Variants in SLX9 observed in about 807,000 individuals in gnomAD.
SLX9 encodes the protein SLX9 ribosome biogenesis factor.
Under a neutral mutation model 20.8 loss-of-function variants are expected in SLX9, and 19 were observed. That is an observed-to-expected ratio of 0.91 (90% confidence interval 0.64 to 1.34). The LOEUF (loss-of-function observed/expected upper bound fraction) is 1.34, where lower values mean the gene tolerates loss of function less well. SLX9 is among the 40% of genes most tolerant of loss of function. The pLI, the probability that SLX9 is intolerant of heterozygous loss-of-function variation, is 0.00. For synonymous variants in SLX9, 113 were observed against 137.1 expected (o/e 0.82, Z 1.23); for missense variants, 299 against 322.2 (o/e 0.93, Z 0.55).
At chr21:44,975,537 T>A (rs1361041673) in intron 5 of SLX9, among the ~76,000 whole-genome samples, 2 of 152,258 alleles carry the variant, frequency 1.3e-5, no homozygotes, top group African/African-American at 4.8e-5. Context: ...TCACGGCTCC[T>A]TTCCTTCCCC....
chr21:44,967,242 G>T (rs544087394), intron 4 of SLX9, 61 bp downstream of exon 4: 1 of 1,516,620 alleles, frequency 6.6e-7, no homozygotes, highest in African/African-American at 1.4e-5. Context: ...TCCAGAGGTG[G>T]AGGGATATGA....
chr21:44,967,694 G>C (rs1428576943), intron 4 of SLX9, among the ~76,000 whole-genome samples: 1 of 152,240 alleles, frequency 6.6e-6, no homozygotes, highest in East Asian at 1.9e-4. Context: ...GTCGCACAGA[G>C]GGTGGCCCGT....
At chr21:44,948,077 G>A (rs913535863) in intron 2 of SLX9, among the ~76,000 whole-genome samples, 1 of 152,262 alleles carries the variant, frequency 6.6e-6, no homozygotes, top group Non-Finnish European at 1.5e-5. Flanking sequence ...CCTGGCAGCC[G>A]GCCGGGTGTC....
chr21:44,939,799 C>A, upstream of SLX9: 1 of 563,064 alleles, frequency 1.8e-6, no homozygotes, highest in Admixed American at 2.6e-5. Context: ...TTGGGTCCCC[C>A]ACGATCTAGA....
chr21:44,943,381 T>G (rs1373602516), intron 1 of SLX9, among the ~76,000 whole-genome samples: 1 of 152,098 alleles, frequency 6.6e-6, no homozygotes, highest in Non-Finnish European at 1.5e-5. Flanking sequence ...ACGAAATGGT[T>G]GGGAAGGAAA....
rs372501584 is a variant in SLX9, at chr21:44,973,259, A to T, written c.563A>T (p.Gln188Leu). 2.4e-5 allele frequency: 38 copies of T among 1,612,074 alleles called. No homozygotes were observed. Among genetic ancestry groups the T allele is most frequent in the Non-Finnish European group, 3.1e-5 (36 of 1,179,714 alleles). Residue 188 changes from glutamine (Q) to leucine (L), a missense_variant, in exon 5 of 6, where the codon CAG (glutamine) becomes CTG (leucine). Physicochemically the swap from Gln to Leu is moderately radical, Grantham distance 113. Coordinates refer to ENST00000291634, the MANE Select transcript of SLX9 (RefSeq NM_058190.4). ...LSRMSAAQRQ[Q>L]LLEEERTRFQ... The stretch of plus-strand genomic sequence containing the variant: ...CGGATGAGCGCAGCCCAGAGACAGC[A>T]GCTTCTGTGAGTGCACCTGCCCACC...
At chr21:44,961,197 C>A (rs959943013) in intron 3 of SLX9, among the ~76,000 whole-genome samples, 2 of 152,016 alleles carry the variant, frequency 1.3e-5, no homozygotes, top group Non-Finnish European at 2.9e-5. Flanking sequence ...GGCTGTAATT[C>A]TTTGATGATG....
At chr21:44,945,304 C>T (rs1056243388) in intron 2 of SLX9, among the ~76,000 whole-genome samples, 2 of 152,238 alleles carry the variant, frequency 1.3e-5, no homozygotes, top group Admixed American at 6.5e-5. Flanking sequence ...CAGCCAGGAA[C>T]GCTTGATGTG....
intron 5 of SLX9, among the ~76,000 whole-genome samples, chr21:44,974,271 T>C (rs1003907982): frequency 1.3e-5 from 2 of 152,234 alleles, no homozygotes; most frequent in African/African-American, 4.8e-5. Context: ...AGGCCCATTG[T>C]GCCTTTCCAG....
intron 2 of SLX9, among the ~76,000 whole-genome samples, chr21:44,957,666 GA>G (rs1462957101): frequency 3.3e-5 from 5 of 152,256 alleles, no homozygotes; most frequent in Admixed American, 6.5e-5. Flanking sequence ...CACCGAGTGT[GA>G]GGGGGAGTGG....
At chr21:44,967,825 C>A (rs1174916677) in intron 4 of SLX9, among the ~76,000 whole-genome samples, 1 of 152,186 alleles carries the variant, frequency 6.6e-6, no homozygotes, top group Non-Finnish European at 1.5e-5. Context: ...TGCGTCCTCC[C>A]CAGGAGGGAC....
chr21:44,947,608 C>T (rs753931016), intron 2 of SLX9, among the ~76,000 whole-genome samples: 1 of 152,016 alleles, frequency 6.6e-6, no homozygotes, highest in Non-Finnish European at 1.5e-5. Flanking sequence ...TTCATGGCAT[C>T]GTTCCTATGT....
Position 44,943,760 on chromosome 21 carries a change from T to C in SLX9, c.206T>C (p.Leu69Pro). 1 of 1,614,236 alleles carries C rather than the reference T, an allele frequency of 6.2e-7. No homozygotes were observed. The highest frequency in any genetic ancestry group is 8.5e-7 in the Non-Finnish European group (1 of 1,180,040). Residue 69 changes from leucine to proline, a missense_variant, in exon 2 of 6, where the codon CTG becomes CCG. Physicochemically the swap from Leu to Pro is moderately conservative, Grantham distance 98 (BLOSUM62 -3). Coordinates refer to ENST00000291634, the MANE Select transcript of SLX9 (RefSeq NM_058190.4). ...AGCGCCTTGGTGCAGAAGCTGGAGC[T>C]GGACGTGAGGAGTGTCACTTCCGTC... is the stretch of plus-strand genomic sequence containing the variant. ...DPSALVQKLE[L>P]DVRSVTSVRR...
chr21:44,976,216 C>T (rs1411277611), intron 5 of SLX9, among the ~76,000 whole-genome samples: 2 of 152,238 alleles, frequency 1.3e-5, no homozygotes, highest in Non-Finnish European at 2.9e-5. Context: ...GCTGGGTCGT[C>T]GCCGTGGCAC....
chr21:44,969,228 G>A (rs1292725228), intron 4 of SLX9: 13 of 469,322 alleles, frequency 2.8e-5, no homozygotes, highest in South Asian at 1.7e-4. Flanking sequence ...CTGGCATCCC[G>A]CGGCGGAGGC....
chr21:44,954,369 G>T (rs886930545), intron 2 of SLX9, among the ~76,000 whole-genome samples: 2 of 152,074 alleles, frequency 1.3e-5, no homozygotes, highest in Non-Finnish European at 2.9e-5. Context: ...TCTCTCAGGG[G>T]CCCCGTCTCC....
At chr21:44,957,126 A>G (rs989779710) in intron 2 of SLX9, among the ~76,000 whole-genome samples, 1 of 152,160 alleles carries the variant, frequency 6.6e-6, no homozygotes, top group African/African-American at 2.4e-5. Flanking sequence ...CATTCAGCTC[A>G]TGCTGCAGGT....
intron 4 of SLX9, among the ~76,000 whole-genome samples, chr21:44,970,258 G>A (rs376335786): frequency 2.9e-4 from 44 of 152,206 alleles, no homozygotes; most frequent in East Asian, 2.7e-3. Context: ...TGTATGTGTC[G>A]CTCATGCGCC....
At chr21:44,954,609 T>G (rs2084821057) in intron 2 of SLX9, among the ~76,000 whole-genome samples, 1 of 152,184 alleles carries the variant, frequency 6.6e-6, no homozygotes, top group South Asian at 2.1e-4. Context: ...GGAAACGTCC[T>G]CCGGCCCTGC....
Sources: allele counts gnomAD v4.1 joint callset (sites outside exome capture counted in the v4.1 genomes callset), GRCh38; gene constraint gnomAD v4.1.1; transcripts MANE v1.5; gene names NCBI Gene and HGNC (gene_info 2026-07-23, HGNC 2026-07-21).